Variants in NOL4 observed in about 807,000 individuals in gnomAD.
NOL4 encodes the protein nucleolar protein 4, also known as cancer/testis antigen 125.
NOL4 carries 17 observed loss-of-function variants against 75.9 expected under a neutral mutation model. The ratio of observed to expected loss-of-function variants is 0.22; its 90% CI spans 0.15 to 0.34. The LOEUF (loss-of-function observed/expected upper bound fraction) is 0.34, where lower values mean the gene tolerates loss of function less well. Among genes scored for constraint, NOL4 ranks in the 10% least tolerant of loss-of-function variants. The probability of loss-of-function intolerance (pLI) is 1.00; values close to 1 mark genes in which losing one functional copy is unlikely to be tolerated. For missense variants in NOL4, 614 were observed against 793.5 expected, an observed-to-expected ratio of 0.77 and a Z score of 2.72; for synonymous variants, 292 against 289.9, an observed-to-expected ratio of 1.01 and a Z score of -0.07.
At chr18:34,058,418 GCCA>G (rs952129958) in intron 5 of NOL4, among the ~76,000 whole-genome samples, 16 of 152,296 alleles carry the variant, frequency 1.1e-4, no homozygotes, top group Middle Eastern at 3.4e-3. Context: ...ACAGGCATGA[GCCA>G]CTGCGCCCGG....
chr18:33,953,532 G>A (rs960577712), intron 8 of NOL4, among the ~76,000 whole-genome samples: 1 of 151,468 alleles, frequency 6.6e-6, no homozygotes, highest in African/African-American at 2.4e-5. Context: ...GGAGGAATAA[G>A]CAGAATTCAT....
chr18:33,953,235 G>C (rs796965938), intron 8 of NOL4, among the ~76,000 whole-genome samples: 5 of 150,614 alleles, frequency 3.3e-5, no homozygotes, highest in African/African-American at 1.2e-4. Flanking sequence ...CTTTTGTGTA[G>C]GATATTTTTA....
intron 5 of NOL4, among the ~76,000 whole-genome samples, chr18:34,026,683 G>A (rs1244957684): frequency 6.6e-6 from 1 of 151,882 alleles, no homozygotes; most frequent in Non-Finnish European, 1.5e-5. Flanking sequence ...TATTATAAAC[G>A]ATATTTTGTA....
intron 5 of NOL4, among the ~76,000 whole-genome samples, chr18:34,036,631 T>C (rs1187928392): frequency 6.6e-6 from 1 of 152,104 alleles, no homozygotes; most frequent in African/African-American, 2.4e-5. Context: ...TAGCAATAAA[T>C]AAATGGCATC....
chr18:34,084,731 T>G (rs964321102), intron 5 of NOL4, among the ~76,000 whole-genome samples: 3 of 152,178 alleles, frequency 2.0e-5, no homozygotes, highest in African/African-American at 7.2e-5. Flanking sequence ...ACTTTCCAAC[T>G]GTTCTTTCTT....
chr18:33,922,032 G>A (rs185897592), intron 9 of NOL4, among the ~76,000 whole-genome samples: 9 of 152,304 alleles, frequency 5.9e-5, no homozygotes, highest in Admixed American at 2.6e-4. Flanking sequence ...TGGGGAAGAT[G>A]GAAGGCTGGA....
At chr18:33,882,442 AAC>A (rs2064349817) in intron 10 of NOL4, among the ~76,000 whole-genome samples, 1 of 151,900 alleles carries the variant, frequency 6.6e-6, no homozygotes, top group South Asian at 2.1e-4. Context: ...GCAGCCAAAA[AAC>A]ACATGAAAAA....
At chr18:34,045,902 C>T (rs1031756249) in intron 5 of NOL4, among the ~76,000 whole-genome samples, 4 of 152,044 alleles carry the variant, frequency 2.6e-5, no homozygotes, top group African/African-American at 9.7e-5. Context: ...TTTTTATTTT[C>T]AATATATTTT....
chr18:34,191,248 A>T (rs1224814948), intron 1 of NOL4, among the ~76,000 whole-genome samples: 1 of 151,888 alleles, frequency 6.6e-6, no homozygotes, highest in Non-Finnish European at 1.5e-5. Context: ...ATTAAGTCTC[A>T]CTCTCTTCAT....
rs114171067 is a variant in NOL4 at position 34,084,145 on chromosome 18, G to A, written c.772+9320C>T. ...TTGGGAGGTCTCACACAGTCATGAG[G>A]AGCCAGATCAGAGACCCACTTAAAT... On this transcript the variant is annotated intron_variant, in intron 5 of 10. Coordinates refer to ENST00000261592, the MANE Select transcript of NOL4 (RefSeq NM_003787.5). Among the ~76,000 whole-genome samples, 347 of 152,310 alleles carry A rather than the reference G, an allele frequency of 2.3e-3. 1 individual carries two copies. The highest frequency in any genetic ancestry group is 8.0e-3 in the African/African-American group (331 of 41,566).
At chr18:34,197,351 A>G (rs1398764117) in intron 1 of NOL4, among the ~76,000 whole-genome samples, 1 of 152,052 alleles carries the variant, frequency 6.6e-6, no homozygotes, top group African/African-American at 2.4e-5. Flanking sequence ...TTTATAGTTC[A>G]GCAAGGAGAG....
At chr18:33,902,058 A>G (rs547450297) in intron 9 of NOL4, among the ~76,000 whole-genome samples, 2 of 152,212 alleles carry the variant, frequency 1.3e-5, no homozygotes, top group African/African-American at 4.8e-5. Flanking sequence ...AGTACAGAAC[A>G]AATCAGAAAG....
chr18:33,953,781 G>C (rs1324565807), intron 8 of NOL4, among the ~76,000 whole-genome samples: 2 of 152,078 alleles, frequency 1.3e-5, no homozygotes, highest in Non-Finnish European at 2.9e-5. Flanking sequence ...CCAAAGATTT[G>C]TATATTTTTG....
At chr18:34,193,688 A>G (rs1404318526) in intron 1 of NOL4, among the ~76,000 whole-genome samples, 1 of 152,176 alleles carries the variant, frequency 6.6e-6, no homozygotes, top group Non-Finnish European at 1.5e-5. Context: ...TCCTCAAAAA[A>G]TCAAAAATAG....
intron 1 of NOL4, among the ~76,000 whole-genome samples, chr18:34,138,771 A>G (rs1019208835): frequency 1.3e-5 from 2 of 152,040 alleles, no homozygotes; most frequent in Non-Finnish European, 2.9e-5. Context: ...CAAAGGGAAT[A>G]CTTCCAGTTT....
chr18:33,922,498 T>A (rs945648833), intron 9 of NOL4, among the ~76,000 whole-genome samples: 2 of 152,228 alleles, frequency 1.3e-5, no homozygotes, highest in African/African-American at 2.4e-5. Context: ...TCTAAATGTG[T>A]ACTTCATAGC....
intron 10 of NOL4, among the ~76,000 whole-genome samples, chr18:33,865,924 C>T (rs549030695): frequency 2.0e-4 from 30 of 152,206 alleles, no homozygotes; most frequent in East Asian, 9.6e-4. Context: ...TTTTCTACAA[C>T]GTAACAAGTT....
At chr18:33,878,924 T>C (rs1225620600) in intron 10 of NOL4, among the ~76,000 whole-genome samples, 1 of 152,044 alleles carries the variant, frequency 6.6e-6, no homozygotes, top group Non-Finnish European at 1.5e-5. Flanking sequence ...CCACAATATA[T>C]AGACAACAGT....
chr18:33,883,533 T>C (rs2064443856), intron 9 of NOL4, 109 bp from the exon 10 acceptor site: 1 of 739,788 alleles, frequency 1.4e-6, no homozygotes, highest in Non-Finnish European at 2.0e-6. Context: ...AGAAAAAATA[T>C]ATAGTGAATG....
Sources: allele counts gnomAD v4.1 joint callset (sites outside exome capture counted in the v4.1 genomes callset), GRCh38; gene constraint gnomAD v4.1.1; transcripts MANE v1.5; gene names NCBI Gene and HGNC (gene_info 2026-07-23, HGNC 2026-07-21).